Variants in CCNG1 observed in about 807,000 individuals in gnomAD.
The protein encoded by CCNG1 is cyclin G1.
In CCNG1, 13 loss-of-function variants were observed where a neutral mutation model predicts 30.0. The observed-to-expected ratio is 0.43, with a 90% CI of 0.28 to 0.69. The LOEUF is 0.69. Ranked by LOEUF, CCNG1 falls within the 30% of genes least tolerant of loss-of-function variation. The pLI is 0.16. For synonymous variants in CCNG1, 110 were observed against 121.5 expected (o/e 0.91, Z 0.62); for missense variants, 285 against 331.4 (o/e 0.86, Z 1.09).
In CCNG1 at chr5:163,443,630, G is replaced by C. The variant is rs2069367; in HGVS notation, c.*4-44G>C. 0.012 allele frequency: 12,214 copies of C among 1,055,212 alleles called. 822 individuals are homozygous for C. In the East Asian group the frequency reaches 0.17, roughly 15 times the overall value. The allele number at this position is 1,055,212 out of a possible 1,614,324, so 65.4% of individuals were successfully genotyped here. ...TTCTTAGTAGTATTTAGGCAGACTG[G>C]CTTCTGTTAAGTTGGATTTTGTTTG... On this transcript the variant is annotated intron_variant, in intron 6 of 6. Coordinates refer to ENST00000340828, the MANE Select transcript of CCNG1 (RefSeq NM_004060.4).
downstream of CCNG1, chr5:163,449,872 C>T (rs1758134728): frequency 6.6e-6 from 1 of 152,046 alleles, no homozygotes; most frequent in African/African-American, 2.4e-5. Flanking sequence ...AAAAATAAAC[C>T]TACCTAAATT....
intron 2 of CCNG1, among the ~76,000 whole-genome samples, chr5:163,440,070 A>G (rs1757727808): frequency 6.6e-6 from 1 of 151,676 alleles, no homozygotes; most frequent in Non-Finnish European, 1.5e-5. Flanking sequence ...TGTCACTTTC[A>G]GAGCTTAACT....
chr5:163,453,042 G>A, the CCNG1 span: 3 of 152,190 alleles, frequency 2.0e-5, no homozygotes, highest in Admixed American at 2.0e-4. Flanking sequence ...TCTAATGGTT[G>A]CATTGTAGTC....
chr5:163,448,697 A>C (rs1220731626), downstream of CCNG1: 3 of 152,232 alleles, frequency 2.0e-5, no homozygotes, highest in African/African-American at 7.2e-5. Flanking sequence ...CAATTGCACA[A>C]TATCCAAAAT....
the CCNG1 span, among the ~76,000 whole-genome samples, chr5:163,454,983 T>C: frequency 6.6e-6 from 1 of 152,316 alleles, no homozygotes; most frequent in African/African-American, 2.4e-5. Context: ...GCAGTCCACA[T>C]AGTCTCTGTC....
chr5:163,441,314 G>A lies in CCNG1; in HGVS notation c.501G>A (p.Glu167=). The A allele has an allele frequency of 6.2e-7, 1 of 1,613,696 alleles. No homozygotes were observed. The highest frequency in any genetic ancestry group is 8.5e-7 in the Non-Finnish European group (1 of 1,179,782). Residue 167 remains glutamate (E), a synonymous_variant, in exon 3 of 7, where the codon GAG becomes GAA. Coordinates refer to ENST00000340828, the MANE Select transcript of CCNG1 (RefSeq NM_004060.4). ...AACTGTATTATTCACTCCTTCAAGA[G>A]AACTTGCCACTTGAAAGGTAAGTGA... The part of the protein sequence containing the change: ...FLQLYYSLLQ[E]NLPLERRNSI...
Position 163,442,330 on chromosome 5 carries a change from G to A in CCNG1, c.697-44G>A, listed in dbSNP as rs1209557101. On this transcript the variant is annotated intron_variant, in intron 5 of 6. Transcript: ENST00000340828. ...TTATTAATGTAGTTAAATAAGGTGG[G>A]ACTTACTTGGAGTAATAATTTTTTA... The A allele has an allele frequency of 1.7e-5, 24 of 1,423,098 alleles. No individual in the cohort carries two copies. The Admixed American group carries it at 3.3e-4, about 19-fold the overall frequency. The allele number at this position is 1,423,098 out of a possible 1,614,324, so 88.2% of individuals were successfully genotyped here. A position where few individuals can be genotyped will look rare whatever the true frequency, so the allele number is the denominator to read the frequency against.
In CCNG1 at chr5:163,439,411, G is replaced by C; in HGVS notation, c.155G>C (p.Arg52Thr). 6.2e-7 allele frequency: 1 copy of C among 1,614,072 alleles called. No homozygotes were observed. The highest frequency in any genetic ancestry group is 1.1e-5 in the South Asian group (1 of 91,084). The change falls in exon 2 of 7, where the codon AGG (arginine) becomes ACG (threonine). Residue 52 changes from arginine (R) to threonine (T), a missense_variant. Coordinates refer to ENST00000340828, the MANE Select transcript of CCNG1 (RefSeq NM_004060.4). ...DNGLRMTARL[R>T]DFEVKDLLSL... ...GGCCTCAGAATGACTGCAAGACTAA[G>C]GGACTTTGAAGTAAAAGATCTTCTT... is the stretch of plus-strand genomic sequence containing the variant.
chr5:163,447,192 C>T (rs1758057713), downstream of CCNG1: 2 of 152,514 alleles, frequency 1.3e-5, 1 homozygote, highest in South Asian at 3.8e-4. Context: ...TCATTCATTC[C>T]TGTAATTCCA....
downstream of CCNG1, chr5:163,448,661 T>C (rs1276652383): frequency 1.3e-5 from 2 of 151,964 alleles, no homozygotes; most frequent in Non-Finnish European, 2.9e-5. Flanking sequence ...AAGATAAAGA[T>C]AACACAAGGA....
chr5:163,454,583 C>T, the CCNG1 span, among the ~76,000 whole-genome samples: 4 of 152,218 alleles, frequency 2.6e-5, no homozygotes, highest in South Asian at 4.1e-4. Flanking sequence ...TCCGGTGATC[C>T]GCCTGCCTCA....
At chr5:163,455,967 G>A in the CCNG1 span, among the ~76,000 whole-genome samples, 1 of 152,158 alleles carries the variant, frequency 6.6e-6, no homozygotes, top group African/African-American at 2.4e-5. Flanking sequence ...TGAGAAAGAT[G>A]TAAGAATCAA....
the CCNG1 span, among the ~76,000 whole-genome samples, chr5:163,456,164 A>G: frequency 3.6e-4 from 55 of 152,294 alleles, no homozygotes; most frequent in Middle Eastern, 3.4e-3. Context: ...CTAAATTCAG[A>G]AAAAAAGTCT....
downstream of CCNG1, chr5:163,450,368 T>G (rs1054793210): frequency 6.6e-6 from 1 of 152,128 alleles, no homozygotes; most frequent in Non-Finnish European, 1.5e-5. Flanking sequence ...TCATCAAAAT[T>G]AAGTCTGTGC....
the CCNG1 span, among the ~76,000 whole-genome samples, chr5:163,456,561 C>T: frequency 6.6e-6 from 1 of 152,056 alleles, no homozygotes; most frequent in African/African-American, 2.4e-5. Context: ...CAATAGCCAA[C>T]ATATGAGATG....
chr5:163,447,632 C>A (rs1052109132), downstream of CCNG1: 1 of 152,086 alleles, frequency 6.6e-6, no homozygotes, highest in African/African-American at 2.4e-5. Context: ...ACATAAAACC[C>A]TTCTACCTAA....
intron 2 of CCNG1, 91 bp from the exon 3 acceptor site, chr5:163,440,987 A>C: frequency 1.5e-6 from 2 of 1,338,754 alleles, no homozygotes; most frequent in South Asian, 2.9e-5. Flanking sequence ...ACATTTTCAA[A>C]ATGTTGGGTC....
intron 2 of CCNG1, 140 bp downstream of exon 2, chr5:163,439,660 T>A: frequency 1.5e-6 from 1 of 648,590 alleles, no homozygotes; most frequent in Non-Finnish European, 2.6e-6. Context: ...ACTACAGCAT[T>A]AATATTTCTT....
chr5:163,444,114 T>C lies in CCNG1; in HGVS notation c.*444T>C, dbSNP rs1757963004. On this transcript the variant is annotated 3_prime_UTR_variant, in exon 7 of 7. Transcript: ENST00000340828. ...TAAATTTTAAGTTATGAGGTTTATG[T>C]CAAAAGCAACATTTCACAAATGTAC... 1 of 164,812 alleles carries C rather than the reference T, an allele frequency of 6.1e-6. No homozygotes were observed. The highest frequency in any genetic ancestry group is 1.3e-5 in the Non-Finnish European group (1 of 76,290). The allele number at this position is 164,812 out of a possible 1,614,324, so 10.2% of individuals were successfully genotyped here.
Sources: allele counts gnomAD v4.1 joint callset (sites outside exome capture counted in the v4.1 genomes callset), GRCh38; gene constraint gnomAD v4.1.1; transcripts MANE v1.5; gene names NCBI Gene and HGNC (gene_info 2026-07-23, HGNC 2026-07-21).